EFCAB7: variants seen among roughly 807,000 people sequenced by gnomAD.
The protein encoded by EFCAB7 is EF-hand calcium-binding domain-containing protein 7.
Under a neutral mutation model 77.1 loss-of-function variants are expected in EFCAB7, and 66 were observed. The observed-to-expected ratio is 0.86, with a 90% CI of 0.70 to 1.05. The LOEUF is 1.05. Ranked by LOEUF, EFCAB7 falls within the 50% of genes least tolerant of loss-of-function variation. The probability of loss-of-function intolerance (pLI) is 0.00; values close to 1 mark genes in which losing one functional copy is unlikely to be tolerated. For synonymous variants in EFCAB7, 225 were observed against 243.3 expected, an observed-to-expected ratio of 0.92 and a Z score of 0.70; for missense variants, 638 against 730.5, an observed-to-expected ratio of 0.87 and a Z score of 1.46.
At chr1:63,534,929 T>C (rs1646746033) in intron 6 of EFCAB7, among the ~76,000 whole-genome samples, 1 of 152,088 alleles carries the variant, frequency 6.6e-6, no homozygotes, top group Non-Finnish European at 1.5e-5. Flanking sequence ...TATTAAAATT[T>C]TAAAACATTA....
chr1:63,552,671 T>C (rs1646980459), intron 8 of EFCAB7, among the ~76,000 whole-genome samples: 1 of 152,232 alleles, frequency 6.6e-6, no homozygotes, highest in South Asian at 2.1e-4. Flanking sequence ...ATTTATTTTA[T>C]GAGGACTACA....
At chr1:63,534,713 C>T (rs1646743116) in intron 6 of EFCAB7, among the ~76,000 whole-genome samples, 1 of 152,006 alleles carries the variant, frequency 6.6e-6, no homozygotes, top group Admixed American at 6.6e-5. Flanking sequence ...TAACTGGAAA[C>T]TGCTAGGATA....
intron 6 of EFCAB7, among the ~76,000 whole-genome samples, chr1:63,537,685 G>C (rs903961514): frequency 6.6e-6 from 1 of 152,086 alleles, no homozygotes; most frequent in Non-Finnish European, 1.5e-5. Context: ...TTTTAAGTAT[G>C]TATAGTTTAC....
chr1:63,530,908 A>G (rs1282919662), intron 2 of EFCAB7, among the ~76,000 whole-genome samples: 3 of 152,188 alleles, frequency 2.0e-5, no homozygotes, highest in African/African-American at 7.2e-5. Flanking sequence ...ATGGGGTACA[A>G]TTTGACATTT....
intron 7 of EFCAB7, 53 bp from the exon 8 acceptor site, chr1:63,551,672 A>G: frequency 1.3e-6 from 1 of 796,318 alleles, no homozygotes; most frequent in Non-Finnish European, 1.9e-6. Context: ...ATAGGAAAGA[A>G]TAGATAGTGA....
At chr1:63,581,191 A>G in the EFCAB7 span, among the ~76,000 whole-genome samples, 1 of 151,954 alleles carries the variant, frequency 6.6e-6, no homozygotes. Flanking sequence ...CCACTATTTT[A>G]TGTTAGCTGT....
In EFCAB7 at chr1:63,553,485, G is replaced by A. The variant is rs909976188; in HGVS notation, c.1056+1651G>A. 7.2e-5 allele frequency among the ~76,000 whole-genome samples: 11 copies of A among 152,092 alleles called. No individual in the cohort carries two copies. The South Asian group carries it at 2.1e-3, about 29-fold the overall frequency. On this transcript the variant is annotated intron_variant, in intron 8 of 13. Transcript: ENST00000371088. ...CTCTCAAGTAGCTGGGACTACAGGC[G>A]TGTGCCACCATGCCCAGCTAATTTT...
chr1:63,546,683 T>C (rs1032364606), intron 7 of EFCAB7, among the ~76,000 whole-genome samples: 2 of 152,188 alleles, frequency 1.3e-5, no homozygotes, highest in Non-Finnish European at 2.9e-5. Context: ...TAAGTTTTTA[T>C]TTGCTAATTA....
Position 63,571,002 on chromosome 1 carries a change from T to C in EFCAB7, c.1708-19T>C. ...TATTAAAGAAAGGAATAGCAGCTTA[T>C]GAAATCTTTTTTTAATAGTCAGATG... On this transcript the variant is annotated intron_variant, in intron 12 of 13. Transcript: ENST00000371088. The C allele has an allele frequency of 1.1e-5, 17 of 1,540,906 alleles. No homozygotes were observed. Among genetic ancestry groups the C allele is most frequent in the Admixed American group, 1.8e-5 (1 of 54,520 alleles).
chr1:63,542,168 A>T lies in EFCAB7; in HGVS notation c.805-3748A>T, dbSNP rs539391966. ...TGTCTCTCTGAATTTGAAGTGGTCA[A>T]ATTCACTTAAACCTCATATAAGTGG... On this transcript the variant is annotated intron_variant, in intron 6 of 13. Coordinates refer to ENST00000371088, the MANE Select transcript of EFCAB7 (RefSeq NM_032437.4). Among the ~76,000 whole-genome samples, 4 of 152,238 alleles carry T rather than the reference A, an allele frequency of 2.6e-5. No homozygotes were observed. In the East Asian group the frequency reaches 7.7e-4, roughly 29 times the overall value.
intron 6 of EFCAB7, 85 bp downstream of exon 6, chr1:63,534,301 AAC>A (rs1646737592): frequency 8.4e-7 from 1 of 1,189,916 alleles, no homozygotes; most frequent in Non-Finnish European, 1.2e-6. Flanking sequence ...GTCTACAGGG[AAC>A]CAGTAAAGTT....
chr1:63,560,199 G>A (rs1020542884), intron 10 of EFCAB7, among the ~76,000 whole-genome samples: 1 of 152,030 alleles, frequency 6.6e-6, no homozygotes, highest in Non-Finnish European at 1.5e-5. Context: ...TGATCTGCCC[G>A]CCTCAGCCTC....
chr1:63,533,438 T>A lies in EFCAB7; in HGVS notation c.487-16T>A, dbSNP rs750494315. The A allele has an allele frequency of 3.9e-6, 6 of 1,535,878 alleles. No individual in the cohort carries two copies. Among genetic ancestry groups the A allele is most frequent in the Non-Finnish European group, 5.3e-6 (6 of 1,133,750 alleles). On this transcript the variant is annotated splice_polypyrimidine_tract_variant and intron_variant, in intron 4 of 13. Coordinates refer to ENST00000371088, the MANE Select transcript of EFCAB7 (RefSeq NM_032437.4). ...TGATTGAATGTTTTACCCACTGGAC[T>A]TTTTTTTTCCTGTAGTTTTGTAAAT...
At chr1:63,575,758 A>T (rs1035991650), downstream of EFCAB7, among the ~76,000 whole-genome samples, 1 of 147,928 alleles carries the variant, frequency 6.8e-6, no homozygotes, top group African/African-American at 2.5e-5. Context: ...TCGTTTTCAT[A>T]TTTTTTTTTT....
chr1:63,564,065 A>G (rs1405820511), intron 11 of EFCAB7, among the ~76,000 whole-genome samples: 1 of 152,148 alleles, frequency 6.6e-6, no homozygotes, highest in Middle Eastern at 3.2e-3. Flanking sequence ...TTTAAGCACT[A>G]CATAACTTTT....
At chr1:63,544,721 CTT>C (rs1021280339) in intron 6 of EFCAB7, among the ~76,000 whole-genome samples, 6 of 150,672 alleles carry the variant, frequency 4.0e-5, no homozygotes, top group African/African-American at 9.8e-5. Flanking sequence ...AGCTGTGAAA[CTT>C]TTATTCAGCA....
At chr1:63,571,521 A>C (rs1413681153) in intron 13 of EFCAB7, among the ~76,000 whole-genome samples, 2 of 151,840 alleles carry the variant, frequency 1.3e-5, no homozygotes, top group Non-Finnish European at 2.9e-5. Flanking sequence ...AAAAATACAA[A>C]AATTAGCCGG....
chr1:63,555,215 G>A, intron 8 of EFCAB7, 143 bp from the exon 9 acceptor site: 2 of 908,054 alleles, frequency 2.2e-6, no homozygotes, highest in African/African-American at 3.3e-5. Flanking sequence ...TAAAAAGACT[G>A]ATAGGACTAT....
chr1:63,584,239 G>A, the EFCAB7 span, among the ~76,000 whole-genome samples: 1 of 152,184 alleles, frequency 6.6e-6, no homozygotes, highest in East Asian at 1.9e-4. Context: ...TTAGAGAAAT[G>A]AGAAAGCAAA....
Sources: allele counts gnomAD v4.1 joint callset (sites outside exome capture counted in the v4.1 genomes callset), GRCh38; gene constraint gnomAD v4.1.1; transcripts MANE v1.5; gene names NCBI Gene and HGNC (gene_info 2026-07-23, HGNC 2026-07-21).